MARK3: variants seen among roughly 807,000 people sequenced by gnomAD.
MARK3 encodes the protein microtubule affinity regulating kinase 3.
Under a neutral mutation model 90.1 loss-of-function variants are expected in MARK3, and 46 were observed. The ratio of observed to expected loss-of-function variants is 0.51; its 90% CI spans 0.40 to 0.65. MARK3 has a LOEUF of 0.65. MARK3 is among the 30% of genes least tolerant of loss of function. The pLI is 0.00. For synonymous variants in MARK3, 321 were observed against 332.6 expected, an observed-to-expected ratio of 0.97 and a Z score of 0.38; for missense variants, 818 against 947.2, an observed-to-expected ratio of 0.86 and a Z score of 1.79.
chr14:103,484,177 T>G (rs1423991228), intron 14 of MARK3, among the ~76,000 whole-genome samples: 1 of 147,144 alleles, frequency 6.8e-6, no homozygotes, highest in Non-Finnish European at 1.5e-5. Flanking sequence ...TTTTTTTTTC[T>G]TTTTTTCTTT....
chr14:103,418,218 G>C (rs1193991435), intron 2 of MARK3, among the ~76,000 whole-genome samples: 1 of 112,734 alleles, frequency 8.9e-6, no homozygotes. Flanking sequence ...AATAGTAAAG[G>C]CTTTTTTTTT....
At chr14:103,420,890 C>G (rs996170924) in intron 2 of MARK3, among the ~76,000 whole-genome samples, 4 of 151,984 alleles carry the variant, frequency 2.6e-5, no homozygotes, top group African/African-American at 9.7e-5. Context: ...TTTTTGTGAT[C>G]TATTTAATGC....
chr14:103,426,884 T>G (rs993041877), intron 2 of MARK3, among the ~76,000 whole-genome samples: 6 of 86,122 alleles, frequency 7.0e-5, no homozygotes, highest in African/African-American at 2.6e-4. Flanking sequence ...CAAAGGGCTT[T>G]TCTATTTAAA....
At position 103,412,936 on chromosome 14, in the gene MARK3, G is replaced by A. The variant is rs146947849; in HGVS notation, c.243+7669G>A. The stretch of plus-strand genomic sequence containing the variant: ...GTTGCCCAGGCTAGAGTGCAGTGGC[G>A]TGATCTCAGCTCACCACAACCTCCG... On this transcript the variant is annotated intron_variant, in intron 2 of 17. Transcript: ENST00000429436. Among the ~76,000 whole-genome samples, 171 of 150,590 alleles carry A rather than the reference G, an allele frequency of 1.1e-3. 5 individuals carry two copies. In the East Asian group the frequency reaches 0.026, roughly 23 times the overall value.
Position 103,388,591 on chromosome 14 carries a change from G to A in MARK3, c.51+2511G>A, listed in dbSNP as rs565887291. Among the ~76,000 whole-genome samples, 152 of 152,230 alleles carry A rather than the reference G, an allele frequency of 1.0e-3. No homozygotes were observed. The Middle Eastern group carries it at 0.01, about 10-fold the overall frequency. On this transcript the variant is annotated intron_variant, in intron 1 of 17. Coordinates refer to ENST00000429436, the MANE Select transcript of MARK3 (RefSeq NM_001128918.3). ...TACAGTTTGGTGAATTTTGACAAGC[G>A]TATAGTTATGTAACCGCTATCACAA...
intron 15 of MARK3, among the ~76,000 whole-genome samples, chr14:103,493,246 TTTTTTTTTTTAA>T (rs2075109887): frequency 7.4e-6 from 1 of 134,546 alleles, no homozygotes; most frequent in Non-Finnish European, 1.6e-5. Flanking sequence ...ATTCCTTTTT[TTTTTTTTTTTAA>T]TTTTTTTTTT....
chr14:103,463,740 C>G (rs1259656301), intron 7 of MARK3, among the ~76,000 whole-genome samples: 1 of 152,208 alleles, frequency 6.6e-6, no homozygotes, highest in East Asian at 1.9e-4. Context: ...GTTTTCTACA[C>G]TGCACCCAAA....
At chr14:103,405,541 C>T (rs1211865151) in intron 2 of MARK3, among the ~76,000 whole-genome samples, 1 of 152,010 alleles carries the variant, frequency 6.6e-6, no homozygotes, top group African/African-American at 2.4e-5. Flanking sequence ...CAGGGTTTCA[C>T]CGTGTTAGCC....
rs763415385 is a variant in MARK3, at chr14:103,475,181, G to A, written c.1453G>A (p.Glu485Lys). 1 of 1,613,652 alleles carries A rather than the reference G, an allele frequency of 6.2e-7. No homozygotes were observed. Among genetic ancestry groups the A allele is most frequent in the Non-Finnish European group, 8.5e-7 (1 of 1,180,016 alleles). ...ASNPNKADIP[E>K]RKKSSTVPSS... The stretch of plus-strand genomic sequence containing the variant: ...TAATCCTAATAAGGCGGATATTCCT[G>A]AACGCAAGAAAAGCTCCACTGTCCC... The change falls in exon 13 of 18, where the codon GAA (glutamate) becomes AAA (lysine). Residue 485 changes from glutamate to lysine, a missense_variant. Physicochemically the swap from Glu to Lys is moderately conservative, Grantham distance 56. Coordinates refer to ENST00000429436, the MANE Select transcript of MARK3 (RefSeq NM_001128918.3).
intron 2 of MARK3, among the ~76,000 whole-genome samples, chr14:103,413,431 T>TTTC (rs2091775987): frequency 7.0e-6 from 1 of 142,804 alleles, no homozygotes; most frequent in Admixed American, 7.0e-5. Flanking sequence ...ATAGCATGCT[T>TTTC]TTTTTTTTTT....
In MARK3 at chr14:103,492,006, A is replaced by G; in HGVS notation, c.1816A>G (p.Ser606Gly). The G allele has an allele frequency of 6.2e-7, 1 of 1,614,198 alleles. No individual in the cohort carries two copies. The highest frequency in any genetic ancestry group is 1.1e-5 in the South Asian group (1 of 91,088). The change falls in exon 15 of 18, where the codon AGT (serine) becomes GGT (glycine). Residue 606 changes from serine (S) to glycine (G), a missense_variant. Physicochemically the swap from Ser to Gly is moderately conservative, Grantham distance 56. This residue lies in a region of MARK3 where 560 missense variants were observed against 613.5 expected (regional missense o/e 0.91). Coordinates refer to ENST00000429436, the MANE Select transcript of MARK3 (RefSeq NM_001128918.3). ...AAGCCGAGGCTCCACTAATCTCTTTAGTAAATTAACTTCAAAACTCACAAG... is the reference window on the plus strand; with the variant it reads ...AAGCCGAGGCTCCACTAATCTCTTTGGTAAATTAACTTCAAAACTCACAAG... The part of the protein sequence containing the change: ...TRSRGSTNLF[S>G]KLTSKLTRRN...
At chr14:103,487,773 G>A (rs1326086518) in intron 14 of MARK3, among the ~76,000 whole-genome samples, 1 of 152,130 alleles carries the variant, frequency 6.6e-6, no homozygotes, top group Non-Finnish European at 1.5e-5. Flanking sequence ...GTGTAGCCAG[G>A]CGCGGTGGCT....
At chr14:103,431,905 C>T (rs2092593260) in intron 3 of MARK3, among the ~76,000 whole-genome samples, 1 of 152,152 alleles carries the variant, frequency 6.6e-6, no homozygotes, top group Non-Finnish European at 1.5e-5. Flanking sequence ...TAAATCCCCT[C>T]AGCCTCCTTG....
At chr14:103,472,879 G>A (rs2093653527) in intron 12 of MARK3, among the ~76,000 whole-genome samples, 1 of 151,840 alleles carries the variant, frequency 6.6e-6, no homozygotes, top group Non-Finnish European at 1.5e-5. Context: ...GGTGGCAGGC[G>A]CCTGTAGTCC....
chr14:103,394,422 A>G (rs1490711460), intron 1 of MARK3, among the ~76,000 whole-genome samples: 2 of 152,126 alleles, frequency 1.3e-5, no homozygotes, highest in Non-Finnish European at 2.9e-5. Context: ...GCTTTGAAAG[A>G]AAAGGCCTTT....
chr14:103,413,866 G>A (rs754487095), intron 2 of MARK3, among the ~76,000 whole-genome samples: 1 of 152,138 alleles, frequency 6.6e-6, no homozygotes, highest in Non-Finnish European at 1.5e-5. Flanking sequence ...GATTCAGGCT[G>A]TTGCATATAT....
intron 12 of MARK3, among the ~76,000 whole-genome samples, chr14:103,474,751 A>G (rs2093687215): frequency 6.6e-6 from 1 of 151,698 alleles, no homozygotes; most frequent in African/African-American, 2.4e-5. Flanking sequence ...GGACAACTCT[A>G]AACTCTTACT....
chr14:103,467,272 T>C (rs2141602304), intron 11 of MARK3, 81 bp downstream of exon 11: 1 of 645,454 alleles, frequency 1.5e-6, no homozygotes, highest in Admixed American at 2.7e-5. Flanking sequence ...TTTTATCTTT[T>C]GAATATTTGT....
At chr14:103,457,935 G>A (rs949515946) in intron 6 of MARK3, among the ~76,000 whole-genome samples, 5 of 152,026 alleles carry the variant, frequency 3.3e-5, no homozygotes, top group Admixed American at 6.6e-5. Flanking sequence ...ACGGGGTCTC[G>A]CTGTATTGCC....
Sources: allele counts gnomAD v4.1 joint callset (sites outside exome capture counted in the v4.1 genomes callset), GRCh38; gene constraint gnomAD v4.1.1; regional missense constraint gnomAD v4.1.1; transcripts MANE v1.5; gene names NCBI Gene and HGNC (gene_info 2026-07-23, HGNC 2026-07-21).